MAPK10: variants seen among roughly 807,000 people sequenced by gnomAD.
MAPK10 encodes JNK3 alpha protein kinase.
A neutral mutation model predicts 59.3 loss-of-function variants in MAPK10; 25 were observed. The ratio of observed to expected loss-of-function variants is 0.42; its 90% CI spans 0.31 to 0.59. MAPK10 has a LOEUF of 0.59. Ranked by LOEUF, MAPK10 falls within the 20% of genes least tolerant of loss-of-function variation. The pLI, the probability that MAPK10 is intolerant of heterozygous loss-of-function variation, is 0.15. For missense variants in MAPK10, 351 were observed against 568.9 expected, an observed-to-expected ratio of 0.62 and a Z score of 3.90; for synonymous variants, 190 against 200.5, an observed-to-expected ratio of 0.95 and a Z score of 0.44.
At chr4:86,295,477 A>G (rs2095337200) in intron 2 of MAPK10, among the ~76,000 whole-genome samples, 1 of 151,958 alleles carries the variant, frequency 6.6e-6, no homozygotes, top group Non-Finnish European at 1.5e-5. Context: ...CCTTCCCTAC[A>G]TTATAACCTT....
chr4:86,551,508 CTTG>C (rs1213395169), intron 1 of MAPK10, among the ~76,000 whole-genome samples: 1 of 152,032 alleles, frequency 6.6e-6, no homozygotes, highest in Non-Finnish European at 1.5e-5. Context: ...TACTTCCTTC[CTTG>C]TTTTCTTCCT....
At chr4:86,386,131 C>T (rs949349183) in intron 1 of MAPK10, among the ~76,000 whole-genome samples, 2 of 152,282 alleles carry the variant, frequency 1.3e-5, no homozygotes, top group Middle Eastern at 3.4e-3. Context: ...GAACTCCATT[C>T]GGAGGGAAAT....
intron 2 of MAPK10, among the ~76,000 whole-genome samples, chr4:86,204,679 G>C (rs1264528630): frequency 6.6e-6 from 1 of 152,108 alleles, no homozygotes; most frequent in Non-Finnish European, 1.5e-5. Flanking sequence ...GGGCACTGCA[G>C]AACAGCTTTT....
chr4:86,464,742 C>T (rs1442559785), intron 1 of MAPK10, among the ~76,000 whole-genome samples: 1 of 151,712 alleles, frequency 6.6e-6, no homozygotes, highest in Non-Finnish European at 1.5e-5. Flanking sequence ...GTGGCGTGAA[C>T]CCAGGAGGTG....
chr4:86,275,397 T>C (rs781684766), intron 2 of MAPK10, among the ~76,000 whole-genome samples: 17 of 152,018 alleles, frequency 1.1e-4, no homozygotes, highest in Non-Finnish European at 2.1e-4. Flanking sequence ...AATGATGTAG[T>C]CCACTTCTAG....
At chr4:86,362,683 T>C (rs975512752), upstream of MAPK10, among the ~76,000 whole-genome samples, 3 of 152,106 alleles carry the variant, frequency 2.0e-5, no homozygotes, top group Non-Finnish European at 4.4e-5. Context: ...CCAATAAGCA[T>C]ATGAAAAAGT....
intron 11 of MAPK10, among the ~76,000 whole-genome samples, chr4:86,054,982 C>T (rs149622742): frequency 1.7e-4 from 26 of 152,082 alleles, no homozygotes; most frequent in African/African-American, 5.3e-4. Flanking sequence ...GACATCTGGT[C>T]GAAAAACAGA....
intron 2 of MAPK10, among the ~76,000 whole-genome samples, chr4:86,344,987 G>A (rs924799069): frequency 2.0e-5 from 3 of 152,112 alleles, no homozygotes; most frequent in African/African-American, 7.2e-5. Flanking sequence ...AGTCAGTTTG[G>A]CTGGCTATGC....
chr4:86,528,492 C>A (rs1757638940), intron 1 of MAPK10, among the ~76,000 whole-genome samples: 1 of 152,132 alleles, frequency 6.6e-6, no homozygotes, highest in African/African-American at 2.4e-5. Flanking sequence ...TATTTTAAGT[C>A]TACTAAGGCA....
At chr4:86,119,759 A>T (rs1449541233) in intron 4 of MAPK10, 2 of 152,100 alleles carry the variant, frequency 1.3e-5, no homozygotes, top group African/African-American at 4.8e-5. Context: ...CCCTTTGAGG[A>T]TGACCTCAGC....
chr4:86,374,466 C>T (rs1303104682), intron 1 of MAPK10, among the ~76,000 whole-genome samples: 4 of 152,108 alleles, frequency 2.6e-5, no homozygotes, highest in African/African-American at 4.8e-5. Context: ...ACACTCAGAA[C>T]GGGAGCACTA....
intron 2 of MAPK10, among the ~76,000 whole-genome samples, chr4:86,314,001 T>C (rs2148875828): frequency 7.2e-6 from 1 of 138,572 alleles, no homozygotes; most frequent in Non-Finnish European, 1.6e-5. Flanking sequence ...CTACAAGCAA[T>C]GCAAAAGATC....
At chr4:86,036,543 A>G (rs552779417) in intron 11 of MAPK10, among the ~76,000 whole-genome samples, 1 of 152,300 alleles carries the variant, frequency 6.6e-6, no homozygotes, top group Admixed American at 6.5e-5. Flanking sequence ...CAGTCAGGAA[A>G]CTAAGATTCA....
At chr4:86,551,197 C>T (rs1176343629) in intron 1 of MAPK10, among the ~76,000 whole-genome samples, 1 of 151,994 alleles carries the variant, frequency 6.6e-6, no homozygotes. Context: ...ATGTGTTAGC[C>T]CCTCAAATGA....
chr4:86,477,350 C>T (rs935019172), intron 1 of MAPK10, among the ~76,000 whole-genome samples: 1 of 152,100 alleles, frequency 6.6e-6, no homozygotes, highest in African/African-American at 2.4e-5. Context: ...CTTATCAGGC[C>T]AAGACACTTT....
At chr4:86,446,508 A>G (rs1750060979) in intron 1 of MAPK10, among the ~76,000 whole-genome samples, 1 of 152,124 alleles carries the variant, frequency 6.6e-6, no homozygotes, top group Non-Finnish European at 1.5e-5. Context: ...TAGCTGACAC[A>G]CATAGCCCCA....
Position 86,526,791 on chromosome 4 carries a change from A to T in MAPK10, c.-263+67119T>A, listed in dbSNP as rs541345148. On this transcript the variant is annotated intron_variant, in intron 1 of 4. Coordinates refer to the MAPK10 transcript ENST00000502302. ...ATCTCTATTTTCAAAGAATTTTTTG[A>T]TTTCTGCCTTGATTTCTTTGTTTAC... Among the ~76,000 whole-genome samples, 35 of 152,220 alleles carry T rather than the reference A, an allele frequency of 2.3e-4. No homozygotes were observed. The East Asian group carries it at 6.4e-3, about 28-fold the overall frequency.
At chr4:86,536,599 C>G (rs1198341216) in intron 1 of MAPK10, among the ~76,000 whole-genome samples, 1 of 152,180 alleles carries the variant, frequency 6.6e-6, no homozygotes, top group African/African-American at 2.4e-5. Context: ...TACATAATCT[C>G]AAACAATTTG....
chr4:86,406,245 C>T (rs1032861708), intron 1 of MAPK10, among the ~76,000 whole-genome samples: 1 of 152,138 alleles, frequency 6.6e-6, no homozygotes, highest in African/African-American at 2.4e-5. Flanking sequence ...CTACCTTCAC[C>T]TGGGACTTGT....
Sources: gnomAD v4.1 joint callset for allele counts (sites outside exome capture counted in the v4.1 genomes callset) on GRCh38, gnomAD v4.1.1 for gene constraint, MANE v1.5 for transcripts, NCBI Gene and HGNC (gene_info 2026-07-23, HGNC 2026-07-21) for gene names.